The following KIAA1549 variants were observed in gnomAD, a reference collection of about 807,000 sequenced individuals.
KIAA1549 encodes KIAA1549, also known as UPF0606 protein KIAA1549.
KIAA1549 carries 70 observed loss-of-function variants against 156.4 expected under a neutral mutation model. That is an observed-to-expected ratio of 0.45 (90% CI 0.37 to 0.55). KIAA1549 has a LOEUF of 0.55. Ranked by LOEUF, KIAA1549 falls within the 20% of genes least tolerant of loss-of-function variation. KIAA1549 has a pLI of 0.00. For synonymous variants in KIAA1549, 1,103 were observed against 1,066.4 expected (o/e 1.03, Z -0.67); for missense variants, 2,428 against 2,540.9 (o/e 0.96, Z 0.96).
chr7:138,873,150 G>A (rs1435591789), intron 12 of KIAA1549, among the ~76,000 whole-genome samples: 1 of 152,170 alleles, frequency 6.6e-6, no homozygotes, highest in African/African-American at 2.4e-5. Context: ...TTTCATATAA[G>A]GAAAGCACAG....
chr7:138,908,039 AC>A (rs1812059576), intron 5 of KIAA1549, among the ~76,000 whole-genome samples: 1 of 152,134 alleles, frequency 6.6e-6, no homozygotes, highest in African/African-American at 2.4e-5. Flanking sequence ...CAGCGCTCCG[AC>A]GAATTTTCCC....
At chr7:138,977,895 T>G (rs1349921055) in intron 1 of KIAA1549, among the ~76,000 whole-genome samples, 1 of 152,176 alleles carries the variant, frequency 6.6e-6, no homozygotes, top group Non-Finnish European at 1.5e-5. Flanking sequence ...AGACGGGGTT[T>G]CACCATGTTG....
chr7:138,854,360 AG>A lies in KIAA1549; in HGVS notation c.5248-2092del, dbSNP rs1436687537. On this transcript the variant is annotated intron_variant, in intron 16 of 19. Coordinates refer to ENST00000422774, the MANE Select transcript of KIAA1549 (RefSeq NM_001164665.2). ...CCAGGGATTTGTACTTGCTACTCAA[AG>A]GACTAGTCCATAGAGAGCTTACCTT... 2.6e-5 allele frequency among the ~76,000 whole-genome samples: 4 copies of A among 152,330 alleles called. No homozygotes were observed. In the East Asian group the frequency reaches 7.7e-4, roughly 29 times the overall value.
intron 1 of KIAA1549, among the ~76,000 whole-genome samples, chr7:138,936,931 G>A (rs1813030773): frequency 6.6e-6 from 1 of 152,044 alleles, no homozygotes; most frequent in African/African-American, 2.4e-5. Context: ...CAATCCATCT[G>A]GAGTTTTCTA....
In KIAA1549 at chr7:138,918,660, G is replaced by A. The variant is rs984197732; in HGVS notation, c.966C>T (p.Tyr322=). ...GACTCAACACAGTGGTCACATCAGT[G>A]TATCTGTCTGCACTTGTGGCCCAAA... ...EEVWATSADR[Y]TDVTTVLSQS... The change falls in exon 2 of 20, where the codon TAC becomes TAT. Residue 322 remains tyrosine, a synonymous_variant. Transcript: ENST00000422774. This position sits in a 1 kb window ranked among gnomAD's most constrained non-coding sequence, Gnocchi z 4.2. The A allele has an allele frequency of 6.2e-7, 1 of 1,613,808 alleles. No individual in the cohort carries two copies. The highest frequency in any genetic ancestry group is 1.7e-5 in the Admixed American group (1 of 60,030).
At chr7:138,863,059 G>A (rs144301115) in intron 15 of KIAA1549, among the ~76,000 whole-genome samples, 95 of 152,220 alleles carry the variant, frequency 6.2e-4, no homozygotes, top group Middle Eastern at 3.4e-3. Flanking sequence ...AGCAAAACAC[G>A]GTCATAATAT....
At chr7:138,864,846 T>C (rs1417732535) in intron 15 of KIAA1549, among the ~76,000 whole-genome samples, 1 of 152,262 alleles carries the variant, frequency 6.6e-6, no homozygotes, top group Non-Finnish European at 1.5e-5. Context: ...TTATGAGTCA[T>C]ATAGTCTGTC....
intron 4 of KIAA1549, among the ~76,000 whole-genome samples, chr7:138,909,924 G>A (rs1444285189): frequency 6.6e-6 from 1 of 152,126 alleles, no homozygotes; most frequent in Non-Finnish European, 1.5e-5. Flanking sequence ...TCTAGCCTGA[G>A]CAACAAAGCA....
intron 9 of KIAA1549, among the ~76,000 whole-genome samples, chr7:138,898,334 C>A (rs1282719777): frequency 2.0e-5 from 3 of 149,676 alleles, no homozygotes; most frequent in Non-Finnish European, 4.4e-5. Flanking sequence ...GCAAACAAAT[C>A]TGTGAGGTGG....
intron 2 of KIAA1549, among the ~76,000 whole-genome samples, chr7:138,914,516 G>C (rs752349130): frequency 7.2e-5 from 11 of 152,130 alleles, no homozygotes; most frequent in Non-Finnish European, 1.5e-4. Context: ...CATCATCACA[G>C]AGCACACAGG....
At chr7:138,891,454 A>G (rs1197429645) in intron 10 of KIAA1549, among the ~76,000 whole-genome samples, 3 of 152,272 alleles carry the variant, frequency 2.0e-5, no homozygotes, top group Non-Finnish European at 4.4e-5. Flanking sequence ...GTAACAAATG[A>G]TGACTTGAGT....
intron 10 of KIAA1549, among the ~76,000 whole-genome samples, chr7:138,887,007 T>C (rs10267394): frequency 0.05 from 7,619 of 152,160 alleles, 652 homozygotes; most frequent in African/African-American, 0.17. Flanking sequence ...GTTCAAGCAA[T>C]TCTCCTGCCT....
chr7:138,937,527 T>C (rs568732474), intron 1 of KIAA1549, among the ~76,000 whole-genome samples: 2 of 152,086 alleles, frequency 1.3e-5, no homozygotes, highest in South Asian at 4.2e-4. Context: ...AGACAGACAA[T>C]AATGATGAAC....
At chr7:138,861,597 A>G (rs1271819609) in intron 15 of KIAA1549, 141 bp from the exon 16 acceptor site, 2 of 724,852 alleles carry the variant, frequency 2.8e-6, no homozygotes. Context: ...TCACACCTTT[A>G]ATTCCAGGAT....
chr7:138,868,698 G>C (rs1348520028), intron 14 of KIAA1549, among the ~76,000 whole-genome samples: 3 of 152,190 alleles, frequency 2.0e-5, no homozygotes. Context: ...CTCCCAAAGT[G>C]CTGGAATTAT....
chr7:138,898,774 C>G (rs931381715), intron 9 of KIAA1549, among the ~76,000 whole-genome samples, 181 bp downstream of exon 9: 2 of 152,166 alleles, frequency 1.3e-5, no homozygotes, highest in Non-Finnish European at 2.9e-5. Context: ...GGAGGCTAAA[C>G]CTACAAGCAA....
intron 1 of KIAA1549, among the ~76,000 whole-genome samples, chr7:138,940,229 T>G (rs1457702603): frequency 1.3e-5 from 2 of 151,528 alleles, no homozygotes; most frequent in South Asian, 4.2e-4. Context: ...GTGTTCTCAT[T>G]GTTCAATTCC....
At chr7:138,932,720 G>A (rs113681987) in intron 1 of KIAA1549, among the ~76,000 whole-genome samples, 5 of 152,218 alleles carry the variant, frequency 3.3e-5, no homozygotes, top group African/African-American at 1.2e-4. Context: ...TGTGGTCAGC[G>A]GATCTTTAGC....
chr7:138,930,074 C>A (rs1226846280), intron 1 of KIAA1549, among the ~76,000 whole-genome samples: 1 of 152,190 alleles, frequency 6.6e-6, no homozygotes. Context: ...ATGAAAGCAA[C>A]TTTAATCTCC....
Sources: gnomAD v4.1 joint callset for allele counts (sites outside exome capture counted in the v4.1 genomes callset) on GRCh38, gnomAD v4.1.1 for gene constraint, Gnocchi (gnomAD v3.1) non-coding constraint, MANE v1.5 for transcripts, NCBI Gene and HGNC (gene_info 2026-07-23, HGNC 2026-07-21) for gene names.